PTPRD: variants seen among roughly 807,000 people sequenced by gnomAD.
The protein encoded by PTPRD is protein tyrosine phosphatase receptor type D.
Under a neutral mutation model 214.5 loss-of-function variants are expected in PTPRD, and 34 were observed. The ratio of observed to expected loss-of-function variants is 0.16; its 90% CI spans 0.12 to 0.21. PTPRD has a LOEUF of 0.21. PTPRD is among the 10% of genes least tolerant of loss of function. PTPRD has a pLI of 1.00. For synonymous variants in PTPRD, 1,128 were observed against 845.7 expected (o/e 1.33, Z -5.79); for missense variants, 2,545 against 2,398.7 (o/e 1.06, Z -1.27).
intron 9 of PTPRD, among the ~76,000 whole-genome samples, chr9:9,361,755 A>G (rs2056247895): frequency 6.6e-6 from 1 of 151,164 alleles, no homozygotes; most frequent in South Asian, 2.1e-4. Context: ...TAAGCATACT[A>G]TCTTTCTCAT....
intron 21 of PTPRD, among the ~76,000 whole-genome samples, chr9:8,509,842 T>C (rs953953214): frequency 4.6e-5 from 7 of 152,186 alleles, no homozygotes; most frequent in Non-Finnish European, 7.3e-5. Context: ...GAGTACACTG[T>C]CCTTTTTATT....
intron 2 of PTPRD, among the ~76,000 whole-genome samples, chr9:10,360,007 T>G (rs1370169351): frequency 2.0e-5 from 3 of 152,228 alleles, no homozygotes; most frequent in African/African-American, 7.2e-5. Flanking sequence ...CAGATTTACA[T>G]TTTTCTCAAT....
chr9:9,474,717 C>A (rs1176463842), intron 8 of PTPRD, among the ~76,000 whole-genome samples: 1 of 151,536 alleles, frequency 6.6e-6, no homozygotes, highest in Non-Finnish European at 1.5e-5. Context: ...AGATTACTAT[C>A]TTGATTTCTT....
chr9:10,153,390 T>C (rs1448879669), intron 3 of PTPRD, among the ~76,000 whole-genome samples: 1 of 151,544 alleles, frequency 6.6e-6, no homozygotes, highest in Non-Finnish European at 1.5e-5. Flanking sequence ...TTGCTTTTCA[T>C]ATTGTTTCTA....
chr9:8,927,261 T>A (rs2098906390), intron 11 of PTPRD, among the ~76,000 whole-genome samples: 1 of 152,154 alleles, frequency 6.6e-6, no homozygotes, highest in South Asian at 2.1e-4. Context: ...CTGGGATACA[T>A]GTGCAGAATG....
chr9:8,374,165 G>A (rs2082521542), intron 39 of PTPRD, among the ~76,000 whole-genome samples: 1 of 149,756 alleles, frequency 6.7e-6, no homozygotes, highest in Non-Finnish European at 1.5e-5. Context: ...CCGTATTTTT[G>A]CCATTAGGCA....
At chr9:9,654,804 T>C (rs1019400414) in intron 7 of PTPRD, among the ~76,000 whole-genome samples, 9 of 152,180 alleles carry the variant, frequency 5.9e-5, no homozygotes, top group African/African-American at 2.2e-4. Flanking sequence ...ATTAAGTGTA[T>C]AACAAATGAC....
At chr9:9,591,382 A>G (rs616615) in intron 7 of PTPRD, among the ~76,000 whole-genome samples, 135,493 of 151,960 alleles carry the variant, frequency 0.89, 60,768 homozygotes, top group Middle Eastern at 0.99. Context: ...AGGCCAGCAA[A>G]CTGTGTGAGC....
chr9:9,622,832 C>A (rs1479914544), intron 7 of PTPRD, among the ~76,000 whole-genome samples: 1 of 152,198 alleles, frequency 6.6e-6, no homozygotes, highest in East Asian at 1.9e-4. Flanking sequence ...TTACATCTAG[C>A]AGCTCTACCA....
At chr9:9,527,160 GT>G (rs2074321142) in intron 8 of PTPRD, among the ~76,000 whole-genome samples, 1 of 152,092 alleles carries the variant, frequency 6.6e-6, no homozygotes, top group Admixed American at 6.5e-5. Flanking sequence ...AAAGTTTTGA[GT>G]TTACTTTTAT....
chr9:8,948,505 TTATA>T lies in PTPRD; in HGVS notation c.-104+70188_-104+70191del, dbSNP rs1189733065. ...TTTATATATATATTTATATATATATTTATATATATATATTTATATATATATTTAT... is the reference window on the plus strand; with the variant it reads ...TTTATATATATATTTATATATATATTTATATATATTTATATATATATTTAT... On this transcript the variant is annotated intron_variant, in intron 11 of 45. Coordinates refer to ENST00000381196, the MANE Select transcript of PTPRD (RefSeq NM_002839.4). Among the ~76,000 whole-genome samples the T allele has an allele frequency of 3.9e-3, 51 of 13,060 alleles. 2 individuals carry two copies. Among genetic ancestry groups the T allele is most frequent in the East Asian group, 0.011 (3 of 278 alleles). 8.6% of individuals were successfully genotyped at this position (13,060 alleles called of 152,430 possible). A position where few individuals can be genotyped will look rare whatever the true frequency, so the allele number is the denominator to read the frequency against.
chr9:8,798,098 C>A (rs1382838176), intron 11 of PTPRD, among the ~76,000 whole-genome samples: 3 of 152,052 alleles, frequency 2.0e-5, no homozygotes, highest in African/African-American at 7.2e-5. Flanking sequence ...GAATGGAATT[C>A]TCTCCTTTTT....
chr9:9,215,970 T>G (rs1437838301), intron 9 of PTPRD, among the ~76,000 whole-genome samples: 3 of 152,156 alleles, frequency 2.0e-5, no homozygotes, highest in African/African-American at 7.2e-5. Context: ...TTGTGACACC[T>G]TCTCCTCTGT....
chr9:9,774,845 T>C (rs1190205823), intron 5 of PTPRD, among the ~76,000 whole-genome samples: 1 of 152,232 alleles, frequency 6.6e-6, no homozygotes, highest in Non-Finnish European at 1.5e-5. Context: ...GGTTAATCGT[T>C]ATATTCTTTT....
chr9:9,907,979 C>G (rs925618626), intron 5 of PTPRD, among the ~76,000 whole-genome samples: 3 of 151,786 alleles, frequency 2.0e-5, no homozygotes, highest in African/African-American at 7.2e-5. Flanking sequence ...TATCATGTAC[C>G]TGACCTATAG....
chr9:8,460,726 T>C (rs1056564767), intron 32 of PTPRD, among the ~76,000 whole-genome samples, 155 bp from the exon 33 acceptor site: 2 of 151,716 alleles, frequency 1.3e-5, no homozygotes, highest in African/African-American at 2.4e-5. Context: ...GAGAGGAGAA[T>C]AAAGAAAAGA....
chr9:8,342,926 G>T (rs1048588806), intron 39 of PTPRD, among the ~76,000 whole-genome samples: 4 of 152,100 alleles, frequency 2.6e-5, no homozygotes, highest in African/African-American at 9.7e-5. Flanking sequence ...GAAGGATGAG[G>T]AATTAAAGAT....
chr9:9,829,760 T>C (rs1021964335), intron 5 of PTPRD, among the ~76,000 whole-genome samples: 3 of 151,836 alleles, frequency 2.0e-5, no homozygotes, highest in African/African-American at 4.8e-5. Flanking sequence ...TGGCAGACAA[T>C]AGACTTGGAA....
chr9:9,860,889 A>G (rs2062592733), intron 5 of PTPRD, among the ~76,000 whole-genome samples: 1 of 152,244 alleles, frequency 6.6e-6, no homozygotes, highest in South Asian at 2.1e-4. Context: ...CAAAATTGCT[A>G]TACTCAGCAT....
Sources: gnomAD v4.1 joint callset for allele counts (sites outside exome capture counted in the v4.1 genomes callset) on GRCh38, gnomAD v4.1.1 for gene constraint, MANE v1.5 for transcripts, NCBI Gene and HGNC (gene_info 2026-07-23, HGNC 2026-07-21) for gene names.